The following CCDC146 variants were observed in gnomAD, a reference collection of about 807,000 sequenced individuals.
The protein encoded by CCDC146 is coiled-coil domain-containing protein 146.
Under a neutral mutation model 119.3 loss-of-function variants are expected in CCDC146, and 92 were observed. That is an observed-to-expected ratio of 0.77 (90% CI 0.65 to 0.92). The LOEUF is 0.92. Ranked by LOEUF, CCDC146 falls within the 40% of genes least tolerant of loss-of-function variation. The pLI, the probability that CCDC146 is intolerant of heterozygous loss-of-function variation, is 0.00. For synonymous variants in CCDC146, 372 were observed against 371.8 expected (o/e 1.00, Z -0.01); for missense variants, 1,000 against 1,103.0 (o/e 0.91, Z 1.32).
intron 2 of CCDC146, among the ~76,000 whole-genome samples, chr7:77,178,411 T>C (rs1791532480): frequency 6.6e-6 from 1 of 152,190 alleles, no homozygotes; most frequent in South Asian, 2.1e-4. Context: ...GAAAACTCTT[T>C]CCTGAGCATC....
chr7:77,266,032 C>T (rs1259242976), intron 9 of CCDC146, among the ~76,000 whole-genome samples: 1 of 152,202 alleles, frequency 6.6e-6, no homozygotes, highest in Non-Finnish European at 1.5e-5. Context: ...TATACCTCTG[C>T]ATTTAAACAT....
At chr7:77,284,316 C>T (rs932647514) in intron 15 of CCDC146, among the ~76,000 whole-genome samples, 1 of 152,092 alleles carries the variant, frequency 6.6e-6, no homozygotes, top group Non-Finnish European at 1.5e-5. Flanking sequence ...TTGTACCACA[C>T]CCTTGCCTAG....
chr7:77,277,921 A>T (rs1793680558), intron 11 of CCDC146, among the ~76,000 whole-genome samples: 1 of 152,236 alleles, frequency 6.6e-6, no homozygotes, highest in Non-Finnish European at 1.5e-5. Context: ...TGATTTGAAG[A>T]ACATAACTAG....
chr7:77,136,653 A>C (rs1482842722), intron 1 of CCDC146, among the ~76,000 whole-genome samples: 1 of 152,318 alleles, frequency 6.6e-6, no homozygotes, highest in African/African-American at 2.4e-5. Flanking sequence ...TAGGAAGCAC[A>C]AAGTTCAGAT....
intron 6 of CCDC146, among the ~76,000 whole-genome samples, chr7:77,256,901 C>T (rs971359447): frequency 2.0e-5 from 3 of 152,092 alleles, no homozygotes; most frequent in Non-Finnish European, 4.4e-5. Flanking sequence ...GTTAGGAGTT[C>T]GAGACCAGCC....
intron 2 of CCDC146, among the ~76,000 whole-genome samples, chr7:77,204,933 A>G (rs1792056475): frequency 6.6e-6 from 1 of 152,198 alleles, no homozygotes; most frequent in Admixed American, 6.5e-5. Flanking sequence ...AGCTTGGGCA[A>G]CATAGTGAGA....
chr7:77,126,738 G>C (rs1490252116), intron 1 of CCDC146, among the ~76,000 whole-genome samples: 1 of 152,130 alleles, frequency 6.6e-6, no homozygotes, highest in African/African-American at 2.4e-5. Context: ...GCCATCGTCT[G>C]CCCTGCTCTG....
At chr7:77,191,558 T>A (rs745840885) in intron 2 of CCDC146, among the ~76,000 whole-genome samples, 26 of 152,152 alleles carry the variant, frequency 1.7e-4, no homozygotes, top group Admixed American at 8.5e-4. Flanking sequence ...TGGCATAAGA[T>A]CTAGGAGAGG....
chr7:77,272,289 T>A (rs973103161), intron 9 of CCDC146, among the ~76,000 whole-genome samples: 1 of 152,196 alleles, frequency 6.6e-6, no homozygotes, highest in Admixed American at 6.5e-5. Flanking sequence ...AGTGTGTGCA[T>A]CTCAAGAGCT....
At chr7:77,242,778 A>ATAATTCAGT (rs1792873954) in intron 4 of CCDC146, among the ~76,000 whole-genome samples, 1 of 152,030 alleles carries the variant, frequency 6.6e-6, no homozygotes, top group Admixed American at 6.6e-5. Context: ...CAGTGCAAAT[A>ATAATTCAGT]TAATTCAGTC....
chr7:77,184,261 T>G (rs988038479), intron 2 of CCDC146, among the ~76,000 whole-genome samples: 5 of 152,246 alleles, frequency 3.3e-5, no homozygotes, highest in African/African-American at 1.2e-4. Context: ...CCAACCCCGC[T>G]TCCTTCAGTG....
chr7:77,213,037 T>A (rs1263377668), intron 2 of CCDC146, among the ~76,000 whole-genome samples: 1 of 150,494 alleles, frequency 6.6e-6, no homozygotes, highest in Non-Finnish European at 1.5e-5. Context: ...TTTTATTAAA[T>A]TTTTTATTGT....
intron 4 of CCDC146, among the ~76,000 whole-genome samples, chr7:77,252,981 G>A (rs1425173280): frequency 6.6e-6 from 1 of 152,194 alleles, no homozygotes; most frequent in Admixed American, 6.5e-5. Context: ...TAGTCCCCCT[G>A]TGTGTCCAGG....
At chr7:77,263,264 G>T (rs1793337667) in intron 9 of CCDC146, among the ~76,000 whole-genome samples, 1 of 152,144 alleles carries the variant, frequency 6.6e-6, no homozygotes, top group Non-Finnish European at 1.5e-5. Flanking sequence ...AGTGACACGT[G>T]TCACTTCCAG....
chr7:77,207,754 T>C (rs1344502550), intron 2 of CCDC146, among the ~76,000 whole-genome samples: 3 of 152,204 alleles, frequency 2.0e-5, no homozygotes, highest in Admixed American at 6.5e-5. Flanking sequence ...TAATATGAGA[T>C]GGTCAGATTA....
intron 1 of CCDC146, among the ~76,000 whole-genome samples, chr7:77,138,561 A>T (rs1790891161): frequency 6.6e-6 from 1 of 152,232 alleles, no homozygotes; most frequent in Non-Finnish European, 1.5e-5. Context: ...AAAGTTCTGC[A>T]CTACGAAAGA....
intron 1 of CCDC146, among the ~76,000 whole-genome samples, chr7:77,138,332 A>G (rs1294294532): frequency 2.1e-5 from 3 of 142,808 alleles, no homozygotes; most frequent in Admixed American, 2.0e-4. Context: ...GGACATGTAC[A>G]TGCAAAAAAA....
At chr7:77,242,850 A>C (rs1410725002) in intron 4 of CCDC146, among the ~76,000 whole-genome samples, 4 of 151,716 alleles carry the variant, frequency 2.6e-5, no homozygotes, top group African/African-American at 9.7e-5. Context: ...CCCTGGGTTT[A>C]AAATCCTCTC....
At chr7:77,266,949 C>T (rs189806419) in intron 9 of CCDC146, among the ~76,000 whole-genome samples, 62 of 152,082 alleles carry the variant, frequency 4.1e-4, no homozygotes, top group Non-Finnish European at 7.8e-4. Context: ...CCAGCTCCCT[C>T]CATTTGGGGG....
Sources: allele counts gnomAD v4.1 joint callset (sites outside exome capture counted in the v4.1 genomes callset), GRCh38; gene constraint gnomAD v4.1.1; transcripts MANE v1.5; gene names NCBI Gene and HGNC (gene_info 2026-07-23, HGNC 2026-07-21).